The following ATP8A2 variants were observed in gnomAD, a reference collection of about 807,000 sequenced individuals.
ATP8A2 encodes the protein ATPase phospholipid transporting 8A2.
ATP8A2 carries 100 observed loss-of-function variants against 165.6 expected under a neutral mutation model. The ratio of observed to expected loss-of-function variants is 0.60; its 90% CI spans 0.51 to 0.71. ATP8A2 has a LOEUF of 0.71. Among genes scored for constraint, ATP8A2 ranks in the 30% least tolerant of loss-of-function variants. The probability of loss-of-function intolerance (pLI) is 0.00; values close to 1 mark genes in which losing one functional copy is unlikely to be tolerated. For synonymous variants in ATP8A2, 543 were observed against 548.8 expected (o/e 0.99, Z 0.15); for missense variants, 1,227 against 1,479.5 (o/e 0.83, Z 2.80).
chr13:25,680,285 C>T (rs1378899140), intron 24 of ATP8A2, among the ~76,000 whole-genome samples: 1 of 152,108 alleles, frequency 6.6e-6, no homozygotes, highest in Non-Finnish European at 1.5e-5. Flanking sequence ...AAGAGATGCA[C>T]ACATATAGGG....
At chr13:25,696,209 C>T (rs1297981143) in intron 24 of ATP8A2, among the ~76,000 whole-genome samples, 3 of 152,174 alleles carry the variant, frequency 2.0e-5, no homozygotes, top group Non-Finnish European at 4.4e-5. Context: ...GCTTAATGTT[C>T]GGTAAACCAT....
intron 25 of ATP8A2, among the ~76,000 whole-genome samples, chr13:25,702,879 C>A (rs1278641584): frequency 1.3e-5 from 2 of 152,142 alleles, no homozygotes; most frequent in African/African-American, 4.8e-5. Context: ...CTTAAGTTAT[C>A]TGTCTCCTTT....
chr13:25,690,471 A>G (rs1430408206), intron 24 of ATP8A2, among the ~76,000 whole-genome samples: 1 of 149,648 alleles, frequency 6.7e-6, no homozygotes, highest in Non-Finnish European at 1.5e-5. Context: ...AGGCAAGCCC[A>G]TGCACACACA....
In ATP8A2 at chr13:25,929,463, A is replaced by G. The variant is rs185754777; in HGVS notation, c.3184-32112A>G. On this transcript the variant is annotated intron_variant, in intron 33 of 36. Transcript: ENST00000381655. ...AATTACATTGGGTCACAAATCAACC[A>G]CTGTTTGTTTGAGCCACTGTTTGCC... Among the ~76,000 whole-genome samples, 299 of 152,288 alleles carry G rather than the reference A, an allele frequency of 2.0e-3. 1 individual carries two copies. The highest frequency in any genetic ancestry group is 6.9e-3 in the African/African-American group (287 of 41,564).
intron 24 of ATP8A2, among the ~76,000 whole-genome samples, chr13:25,639,393 A>C (rs555194358): frequency 2.6e-5 from 4 of 152,326 alleles, no homozygotes; most frequent in African/African-American, 7.2e-5. Flanking sequence ...GCTCAAAATA[A>C]AGGGATGGAG....
At chr13:25,833,624 A>G (rs955741753) in intron 28 of ATP8A2, among the ~76,000 whole-genome samples, 2 of 152,170 alleles carry the variant, frequency 1.3e-5, no homozygotes, top group African/African-American at 4.8e-5. Context: ...CTCATTAATT[A>G]TGTTATCACA....
intron 33 of ATP8A2, among the ~76,000 whole-genome samples, chr13:25,873,644 T>TC (rs1412912142): frequency 6.6e-6 from 1 of 150,642 alleles, no homozygotes; most frequent in East Asian, 1.9e-4. Flanking sequence ...GTATCTCTTT[T>TC]TTTTTTTTTT....
At position 25,469,107 on chromosome 13, in the gene ATP8A2, C is replaced by T. The variant is rs183257147; in HGVS notation, c.207C>T (p.Arg69=). ...ACCAACCGCATCTCAACAAATTCCG[C>T]GACAACCAGATCAGGTAGGAGAAGG... ...YLNQPHLNKF[R]DNQISTAKYS... is the part of the protein sequence containing the mutation. The change falls in exon 2 of 37, where the codon CGC becomes CGT. Residue 69 remains arginine (R), a synonymous_variant. Coordinates refer to ENST00000381655, the MANE Select transcript of ATP8A2 (RefSeq NM_016529.6). 8.1e-4 allele frequency: 1,302 copies of T among 1,613,970 alleles called. 8 individuals are homozygous for T. In the African/African-American group the frequency reaches 0.015, roughly 18 times the overall value.
At chr13:25,463,800 C>G (rs936436519) in intron 1 of ATP8A2, among the ~76,000 whole-genome samples, 1 of 152,214 alleles carries the variant, frequency 6.6e-6, no homozygotes, top group African/African-American at 2.4e-5. Flanking sequence ...AGAGCTAGAG[C>G]TGGTGGAAGG....
chr13:25,566,242 C>G (rs1425961353), intron 16 of ATP8A2, among the ~76,000 whole-genome samples: 4 of 152,020 alleles, frequency 2.6e-5, no homozygotes, highest in Non-Finnish European at 5.9e-5. Context: ...GAGGATGCTG[C>G]TGGAGTCTAT....
intron 24 of ATP8A2, among the ~76,000 whole-genome samples, chr13:25,692,943 A>G (rs2042757064): frequency 6.6e-6 from 1 of 152,224 alleles, no homozygotes; most frequent in African/African-American, 2.4e-5. Flanking sequence ...AGAAATATAC[A>G]GTTTAATGTT....
intron 35 of ATP8A2, among the ~76,000 whole-genome samples, chr13:25,996,094 T>G (rs1160089466): frequency 6.6e-6 from 1 of 152,196 alleles, no homozygotes; most frequent in African/African-American, 2.4e-5. Flanking sequence ...TATAGTTACT[T>G]AGGTTTTATT....
chr13:25,664,363 G>T (rs1288480780), intron 24 of ATP8A2, among the ~76,000 whole-genome samples: 1 of 152,176 alleles, frequency 6.6e-6, no homozygotes, highest in African/African-American at 2.4e-5. Flanking sequence ...AGCAATATTT[G>T]ATGTCATCAT....
At chr13:25,898,618 C>G (rs1029432340) in intron 33 of ATP8A2, among the ~76,000 whole-genome samples, 1 of 152,328 alleles carries the variant, frequency 6.6e-6, no homozygotes, top group Non-Finnish European at 1.5e-5. Context: ...TGCCCTGCCC[C>G]CAGAGGTGGA....
chr13:25,693,711 T>A (rs1243412203), intron 24 of ATP8A2, among the ~76,000 whole-genome samples: 1 of 151,988 alleles, frequency 6.6e-6, no homozygotes, highest in Non-Finnish European at 1.5e-5. Context: ...TTTATTTTAT[T>A]TATTTATTTT....
rs186154338 is a variant in ATP8A2, at chr13:25,996,455, T to C, written c.3378-16076T>C. Among the ~76,000 whole-genome samples, 4 of 152,358 alleles carry C rather than the reference T, an allele frequency of 2.6e-5. No individual in the cohort carries two copies. In the East Asian group the frequency reaches 7.7e-4, roughly 29 times the overall value. ...GTATTTACTCATATTTTGCTTACTA[T>C]ATTCTTTCTTTTTTATGTTCCAAGA... is the stretch of plus-strand genomic sequence containing the variant. On this transcript the variant is annotated intron_variant, in intron 35 of 36. Coordinates refer to ENST00000381655, the MANE Select transcript of ATP8A2 (RefSeq NM_016529.6).
intron 1 of ATP8A2, among the ~76,000 whole-genome samples, chr13:25,389,000 G>A (rs1395531466): frequency 6.6e-6 from 1 of 152,204 alleles, no homozygotes; most frequent in Non-Finnish European, 1.5e-5. Context: ...CTGCAGCAGG[G>A]GGATTCAGTG....
chr13:25,892,000 T>TG (rs1953378507), intron 33 of ATP8A2, among the ~76,000 whole-genome samples: 1 of 151,854 alleles, frequency 6.6e-6, no homozygotes, highest in African/African-American at 2.4e-5. Flanking sequence ...CTTTTTTTTT[T>TG]TTTGGAGATG....
chr13:25,612,278 G>C (rs938828521), intron 24 of ATP8A2, among the ~76,000 whole-genome samples: 3 of 152,072 alleles, frequency 2.0e-5, no homozygotes, highest in Non-Finnish European at 4.4e-5. Flanking sequence ...TTAATGCTAT[G>C]AACTTTCCTC....
Sources: allele counts gnomAD v4.1 joint callset (sites outside exome capture counted in the v4.1 genomes callset), GRCh38; gene constraint gnomAD v4.1.1; transcripts MANE v1.5; gene names NCBI Gene and HGNC (gene_info 2026-07-23, HGNC 2026-07-21).